TM2D3: variants seen among roughly 807,000 people sequenced by gnomAD.
TM2D3 encodes the protein TM2 domain-containing protein 3.
Under a neutral mutation model 27.3 loss-of-function variants are expected in TM2D3, and 33 were observed. The observed-to-expected ratio is 1.21, with a 90% CI of 0.92 to 1.61. The LOEUF (loss-of-function observed/expected upper bound fraction) is 1.61, where lower values mean the gene tolerates loss of function less well. TM2D3 is among the 40% of genes most tolerant of loss of function. The probability of loss-of-function intolerance (pLI) is 0.00; values close to 1 mark genes in which losing one functional copy is unlikely to be tolerated. For missense variants in TM2D3, 364 were observed against 320.8 expected (o/e 1.13, Z -1.03); for synonymous variants, 138 against 122.2 (o/e 1.13, Z -0.85).
rs751324152 is a variant in TM2D3 at position 101,642,674 on chromosome 15, A to G, written c.579-30T>C. On this transcript the variant is annotated intron_variant, in intron 5 of 5. Coordinates refer to ENST00000333202, the MANE Select transcript of TM2D3 (RefSeq NM_078474.3). ...GATGGCAAACAGACAGGATTCCATGAGACCACCTCCACCCCAGCTGTGGCC... is the reference window on the plus strand; with the variant it reads ...GATGGCAAACAGACAGGATTCCATGGGACCACCTCCACCCCAGCTGTGGCC... 1.9e-6 allele frequency: 3 copies of G among 1,557,416 alleles called. No individual in the cohort carries two copies. In the South Asian group the frequency reaches 3.5e-5, roughly 18 times the overall value.
At position 101,650,177 on chromosome 15, in the gene TM2D3, G is replaced by C; in HGVS notation, c.170-16C>G. 3 of 1,610,486 alleles carry C rather than the reference G, an allele frequency of 1.9e-6. No individual in the cohort carries two copies. Among genetic ancestry groups the C allele is most frequent in the Non-Finnish European group, 2.5e-6 (3 of 1,178,322 alleles). ...TCAGTACTTTCTGTGAGAGGCAAGAGAGAAGCTTATTCTCCTATAATACTG... is the reference window on the plus strand; with the variant it reads ...TCAGTACTTTCTGTGAGAGGCAAGACAGAAGCTTATTCTCCTATAATACTG... On this transcript the variant is annotated splice_polypyrimidine_tract_variant and intron_variant, in intron 2 of 5. Coordinates refer to ENST00000333202, the MANE Select transcript of TM2D3 (RefSeq NM_078474.3).
chr15:101,633,847 T>C, intron 4 of TM2D3: 1 of 820,630 alleles, frequency 1.2e-6, no homozygotes, highest in Non-Finnish European at 1.8e-6. Context: ...CATTCACAAC[T>C]TGATTGAGAA....
chr15:101,652,229 C>T (rs773987256), intron 1 of TM2D3, 42 bp downstream of exon 1: 1 of 1,557,652 alleles, frequency 6.4e-7, no homozygotes, highest in South Asian at 1.1e-5. Flanking sequence ...GGCCCTGCTG[C>T]CACTCAGCCC....
chr15:101,637,888 T>C (rs943466532), downstream of TM2D3, among the ~76,000 whole-genome samples: 14 of 152,330 alleles, frequency 9.2e-5, no homozygotes, highest in African/African-American at 3.4e-4. Context: ...CAAATTCCCT[T>C]GGTTTTCTCT....
chr15:101,642,888 T>G (rs1305101905), intron 5 of TM2D3, among the ~76,000 whole-genome samples: 1 of 152,230 alleles, frequency 6.6e-6, no homozygotes, highest in Non-Finnish European at 1.5e-5. Flanking sequence ...TGTTTTCTTT[T>G]TTTAAAGTTA....
intron 4 of TM2D3, 111 bp from the exon 5 acceptor site, chr15:101,645,273 C>CGGTA: frequency 1.2e-6 from 1 of 855,508 alleles, no homozygotes; most frequent in Non-Finnish European, 1.8e-6. Context: ...ACTCTCTTTA[C>CGGTA]GGTAATACAT....
In TM2D3 at chr15:101,645,102, G is replaced by C. The variant is rs761672304; in HGVS notation, c.563C>G (p.Thr188Arg). The change falls in exon 5 of 6, where the codon ACG becomes AGG. Residue 188 changes from threonine (T) to arginine (R), a missense_variant. By Grantham distance (71) the Thr-to-Arg change is moderately conservative. Transcript: ENST00000333202. Reference sequence around the variant, plus strand: ...CAAGGCTTACCTTAGAGCCAGAGCCGTAGACCACTTATAGCCTCCAGTCCA... The same window carrying C: ...CAAGGCTTACCTTAGAGCCAGAGCCCTAGACCACTTATAGCCTCCAGTCCA... ...CNWTGGYKWS[T>R]ALALSITLGG... is the part of the protein sequence containing the mutation. The C allele has an allele frequency of 6.2e-7, 1 of 1,613,226 alleles. No homozygotes were observed. The highest frequency in any genetic ancestry group is 8.5e-7 in the Non-Finnish European group (1 of 1,179,746).
At chr15:101,649,821 G>C (rs899757643) in intron 3 of TM2D3, among the ~76,000 whole-genome samples, 183 bp downstream of exon 3, 2 of 152,338 alleles carry the variant, frequency 1.3e-5, no homozygotes, top group African/African-American at 4.8e-5. Context: ...TAAAACAGTA[G>C]TGAGCTGATA....
intron 4 of TM2D3, chr15:101,634,551 G>A (rs1272455377): frequency 1.3e-5 from 2 of 152,154 alleles, no homozygotes; most frequent in African/African-American, 2.4e-5. Flanking sequence ...CGGAATATTG[G>A]CAAAGATAGA....
chr15:101,643,135 T>C (rs1372853938), intron 5 of TM2D3, among the ~76,000 whole-genome samples: 3 of 152,132 alleles, frequency 2.0e-5, no homozygotes, highest in Non-Finnish European at 2.9e-5. Flanking sequence ...ACTGAAACTA[T>C]ATTATGGAAA....
At chr15:101,641,345 T>C (rs540344018), downstream of TM2D3, among the ~76,000 whole-genome samples, 5 of 152,266 alleles carry the variant, frequency 3.3e-5, no homozygotes, top group African/African-American at 1.2e-4. Context: ...GTAATGGGGA[T>C]GCGCCACCTA....
At chr15:101,642,711 A>C in intron 5 of TM2D3, 67 bp from the exon 6 acceptor site, 1 of 1,374,494 alleles carries the variant, frequency 7.3e-7, no homozygotes, top group Non-Finnish European at 9.8e-7. Context: ...GTCACGGTTT[A>C]ATCACCACAT....
At chr15:101,647,007 T>C (rs2141366372) in intron 3 of TM2D3, 108 bp from the exon 4 acceptor site, 1 of 1,186,118 alleles carries the variant, frequency 8.4e-7, no homozygotes, top group African/African-American at 1.5e-5. Flanking sequence ...TGCTTGTATT[T>C]AGGACCTAGG....
rs1567311918 is a variant in TM2D3 at position 101,645,129 on chromosome 15, T to C, written c.536A>G (p.Asn179Ser). 14 of 1,612,794 alleles carry C rather than the reference T, an allele frequency of 8.7e-6. No individual in the cohort carries two copies. The highest frequency in any genetic ancestry group is 1.7e-5 in the Admixed American group (1 of 59,894). Reference sequence around the variant, plus strand: ...AGACCACTTATAGCCTCCAGTCCAATTGCAATATAGCATTTTGGGAAAAGT... The same window carrying C: ...AGACCACTTATAGCCTCCAGTCCAACTGCAATATAGCATTTTGGGAAAAGT... ...NRTFPKMLYC[N>S]WTGGYKWSTA... The change falls in exon 5 of 6, where the codon AAT becomes AGT. Residue 179 changes from asparagine (N) to serine (S), a missense_variant. Coordinates refer to ENST00000333202, the MANE Select transcript of TM2D3 (RefSeq NM_078474.3).
rs187471814 is a variant in TM2D3, at chr15:101,651,240, G to A, written c.169+456C>T. On this transcript the variant is annotated intron_variant, in intron 2 of 5. Coordinates refer to ENST00000333202, the MANE Select transcript of TM2D3 (RefSeq NM_078474.3). ...AAGATGAGGACCAAGGTCCAAAGAG[G>A]ATAAATAATTTGTTCAAGATCCCAG... The A allele has an allele frequency of 2.3e-4, 36 of 158,086 alleles. No homozygotes were observed. In the East Asian group the frequency reaches 6.4e-3, roughly 28 times the overall value. 9.8% of individuals were successfully genotyped at this position (158,086 alleles called of 1,614,324 possible).
chr15:101,644,478 G>A (rs974953322), intron 5 of TM2D3, among the ~76,000 whole-genome samples: 4 of 152,160 alleles, frequency 2.6e-5, no homozygotes, highest in African/African-American at 9.7e-5. Flanking sequence ...CTGCCCTATG[G>A]CTGCAATGCT....
intron 3 of TM2D3, among the ~76,000 whole-genome samples, chr15:101,647,207 A>T (rs1896837738): frequency 6.6e-6 from 1 of 152,186 alleles, no homozygotes; most frequent in Admixed American, 6.5e-5. Context: ...GCTTAGCTAA[A>T]TTTTTCATAG....
At chr15:101,639,076 T>C (rs1567309255), downstream of TM2D3, among the ~76,000 whole-genome samples, 1 of 152,186 alleles carries the variant, frequency 6.6e-6, no homozygotes, top group Non-Finnish European at 1.5e-5. Context: ...ATAAAAGTGT[T>C]GTGTTTATGG....
chr15:101,650,084 C>A lies in TM2D3; in HGVS notation c.247G>T (p.Asp83Tyr). 1 of 1,614,160 alleles carries A rather than the reference C, an allele frequency of 6.2e-7. No homozygotes were observed. Among genetic ancestry groups the A allele is most frequent in the South Asian group, 1.1e-5 (1 of 91,082 alleles). Residue 83 changes from aspartate (D) to tyrosine (Y), a missense_variant, in exon 3 of 6, where the codon GAC becomes TAC. Transcript: ENST00000333202. ...GTACAGGAGAAATTTGTTGTGCAGT[C>A]TATACAGTCTGCAGGAAGCCTGCTA... ...LCSRLPADCIDCTTNFSCTYG... is the reference protein window; with the variant it reads ...LCSRLPADCIYCTTNFSCTYG...
Sources: gnomAD v4.1 joint callset for allele counts (sites outside exome capture counted in the v4.1 genomes callset) on GRCh38, gnomAD v4.1.1 for gene constraint, MANE v1.5 for transcripts, NCBI Gene and HGNC (gene_info 2026-07-23, HGNC 2026-07-21) for gene names.